The following HEMK2 variants were observed in gnomAD, a reference collection of about 807,000 sequenced individuals.
HEMK2 encodes HemK methyltransferase 2, ETF1 glutamine and histone H4 lysine.
the HEMK2 span, among the ~76,000 whole-genome samples, chr21:28,847,358 T>C: frequency 1.3e-5 from 2 of 152,226 alleles, no homozygotes; most frequent in African/African-American, 4.8e-5. Flanking sequence ...TTGATTTGCA[T>C]TTCCCTAATG....
At chr21:28,842,015 A>G in the HEMK2 span, among the ~76,000 whole-genome samples, 2 of 152,118 alleles carry the variant, frequency 1.3e-5, no homozygotes, top group Admixed American at 1.3e-4. Context: ...ATTTTGCTGT[A>G]TATCTTTTCA....
the HEMK2 span, among the ~76,000 whole-genome samples, chr21:28,721,550 G>A: frequency 6.6e-6 from 1 of 151,958 alleles, no homozygotes; most frequent in African/African-American, 2.4e-5. Context: ...TATATGGACT[G>A]CATTGTGTTT....
At chr21:28,825,208 T>C in the HEMK2 span, among the ~76,000 whole-genome samples, 1 of 152,146 alleles carries the variant, frequency 6.6e-6, no homozygotes, top group Admixed American at 6.5e-5. Context: ...TGAGTGTGTA[T>C]TACAACCCCC....
chr21:28,807,737 A>G, the HEMK2 span, among the ~76,000 whole-genome samples: 2 of 152,188 alleles, frequency 1.3e-5, no homozygotes, highest in African/African-American at 4.8e-5. Context: ...CTTGGTTCAG[A>G]AAAAAGATCT....
chr21:28,805,425 A>G, the HEMK2 span, among the ~76,000 whole-genome samples: 1 of 152,218 alleles, frequency 6.6e-6, no homozygotes, highest in East Asian at 1.9e-4. Context: ...AATGAGAATC[A>G]CATCCTATTT....
At chr21:28,771,841 C>G in the HEMK2 span, among the ~76,000 whole-genome samples, 2 of 151,930 alleles carry the variant, frequency 1.3e-5, no homozygotes, top group Non-Finnish European at 2.9e-5. Context: ...ACAAGCCAGT[C>G]GTCTGCCACT....
chr21:28,745,697 T>C, the HEMK2 span, among the ~76,000 whole-genome samples: 3 of 152,098 alleles, frequency 2.0e-5, no homozygotes, highest in Non-Finnish European at 4.4e-5. Flanking sequence ...ACTTCCCAGA[T>C]ATCATTTGCA....
chr21:28,858,742 G>A, the HEMK2 span, among the ~76,000 whole-genome samples: 1 of 152,212 alleles, frequency 6.6e-6, no homozygotes, highest in East Asian at 1.9e-4. Flanking sequence ...CTCAGTTAGA[G>A]TATTTTCTCA....
At chr21:28,688,246 C>T in the HEMK2 span, among the ~76,000 whole-genome samples, 4 of 152,128 alleles carry the variant, frequency 2.6e-5, no homozygotes, top group Admixed American at 2.6e-4. Context: ...TCAATGGGTT[C>T]GAGTGAAATT....
the HEMK2 span, among the ~76,000 whole-genome samples, chr21:28,811,727 G>A: frequency 6.6e-6 from 1 of 152,220 alleles, no homozygotes; most frequent in South Asian, 2.1e-4. Flanking sequence ...CTAGGTTGTA[G>A]GTACTTTGCT....
At chr21:28,733,338 G>T in the HEMK2 span, among the ~76,000 whole-genome samples, 2 of 152,238 alleles carry the variant, frequency 1.3e-5, no homozygotes, top group Middle Eastern at 3.4e-3. Flanking sequence ...TTGTTTACAT[G>T]AATTGTGTGG....
At chr21:28,579,647 A>T in the HEMK2 span, among the ~76,000 whole-genome samples, 1 of 152,240 alleles carries the variant, frequency 6.6e-6, no homozygotes, top group Non-Finnish European at 1.5e-5. Context: ...TCATAATACA[A>T]ATAGAATGGA....
At chr21:28,771,334 A>G in the HEMK2 span, among the ~76,000 whole-genome samples, 1 of 152,168 alleles carries the variant, frequency 6.6e-6, no homozygotes, top group African/African-American at 2.4e-5. Flanking sequence ...ATATTTTCAT[A>G]TTAAATCTAG....
the HEMK2 span, among the ~76,000 whole-genome samples, chr21:28,842,038 G>GT: frequency 6.6e-6 from 1 of 152,112 alleles, no homozygotes; most frequent in Non-Finnish European, 1.5e-5. Context: ...ACGATAAACT[G>GT]TAACTGTAAC....
chr21:28,878,737 T>C, the HEMK2 span, among the ~76,000 whole-genome samples: 1 of 151,724 alleles, frequency 6.6e-6, no homozygotes, highest in Non-Finnish European at 1.5e-5. Context: ...ATTAATACAA[T>C]GCTTAACATT....
the HEMK2 span, among the ~76,000 whole-genome samples, chr21:28,650,782 G>T: frequency 6.6e-6 from 1 of 152,186 alleles, no homozygotes; most frequent in Non-Finnish European, 1.5e-5. Flanking sequence ...ATAAAGGGGA[G>T]TTGAATCCAT....
chr21:28,795,065 A>T, the HEMK2 span, among the ~76,000 whole-genome samples: 3 of 152,254 alleles, frequency 2.0e-5, no homozygotes, highest in African/African-American at 7.2e-5. Context: ...GTCAAATGAA[A>T]GTCTGAGCAG....
the HEMK2 span, among the ~76,000 whole-genome samples, chr21:28,605,418 C>A: frequency 6.6e-6 from 1 of 152,208 alleles, no homozygotes; most frequent in African/African-American, 2.4e-5. Flanking sequence ...ATGTGTCACT[C>A]TTAAATACTT....
At chr21:28,876,862 C>A in the HEMK2 span, among the ~76,000 whole-genome samples, 9 of 151,624 alleles carry the variant, frequency 5.9e-5, no homozygotes, top group Non-Finnish European at 1.0e-4. Flanking sequence ...AAGGTGTGGA[C>A]AAACTGAATA....
Sources: allele counts gnomAD v4.1 joint callset (sites outside exome capture counted in the v4.1 genomes callset), GRCh38; gene constraint gnomAD v4.1.1; transcripts MANE v1.5; gene names NCBI Gene and HGNC (gene_info 2026-07-23, HGNC 2026-07-21).